ANGPTL2: variants seen among roughly 807,000 people sequenced by gnomAD.
The protein encoded by ANGPTL2 is angiopoietin like 2, also known as angiopoietin-related protein 2.
In ANGPTL2, 25 loss-of-function variants were observed where a neutral mutation model predicts 52.8. That is an observed-to-expected ratio of 0.47 (90% CI 0.35 to 0.66). ANGPTL2 has a LOEUF of 0.66. ANGPTL2 is among the 30% of genes least tolerant of loss of function. ANGPTL2 has a pLI of 0.01. For synonymous variants in ANGPTL2, 276 were observed against 277.4 expected (o/e 1.00, Z 0.05); for missense variants, 546 against 656.9 (o/e 0.83, Z 1.84).
At chr9:127,107,460 G>T (rs539246976) in intron 2 of ANGPTL2, among the ~76,000 whole-genome samples, 3 of 152,212 alleles carry the variant, frequency 2.0e-5, no homozygotes, top group Non-Finnish European at 4.4e-5. Flanking sequence ...CCTACAATGT[G>T]TTTATCATAT....
intron 1 of ANGPTL2, among the ~76,000 whole-genome samples, chr9:127,117,052 G>A (rs767745074): frequency 4.6e-5 from 7 of 152,200 alleles, no homozygotes; most frequent in Non-Finnish European, 8.8e-5. Flanking sequence ...TCATGTCAGC[G>A]TCCTGCTTAA....
At chr9:127,089,172 G>A (rs996923162) in intron 4 of ANGPTL2, 34 bp from the exon 5 acceptor site, 3 of 1,610,180 alleles carry the variant, frequency 1.9e-6, no homozygotes, top group South Asian at 1.1e-5. Flanking sequence ...GGGTGTCTGG[G>A]AGGAGGCCAT....
At chr9:127,106,325 T>C (rs2054211344) in intron 2 of ANGPTL2, among the ~76,000 whole-genome samples, 1 of 152,216 alleles carries the variant, frequency 6.6e-6, no homozygotes, top group Admixed American at 6.5e-5. Context: ...TCAGAGCTTC[T>C]GATTTAAAGC....
intron 1 of ANGPTL2, among the ~76,000 whole-genome samples, chr9:127,121,134 G>A (rs969239247): frequency 1.3e-5 from 2 of 152,180 alleles, no homozygotes; most frequent in African/African-American, 4.8e-5. Context: ...GAATAATAAT[G>A]CCTGTGCTAT....
At position 127,108,092 on chromosome 9, in the gene ANGPTL2, G is replaced by GGAC; in HGVS notation, c.637_639dup (p.Val213dup). The GGAC allele has an allele frequency of 6.2e-7, 1 of 1,611,794 alleles. No individual in the cohort carries two copies. Among genetic ancestry groups the GGAC allele is most frequent in the Non-Finnish European group, 8.5e-7 (1 of 1,178,824 alleles). On this transcript the variant is annotated inframe_insertion, in exon 2 of 5. Coordinates refer to ENST00000373425, the MANE Select transcript of ANGPTL2 (RefSeq NM_012098.3). Reference sequence around the variant, plus strand: ...GGCGGGGCAGCGGGGGGTGGCTGGGGGACGGGCCTGGCCGAGGGCACCCTC... The same window carrying GGAC: ...GGCGGGGCAGCGGGGGGTGGCTGGGGGACGACGGGCCTGGCCGAGGGCACCCTC...
intron 1 of ANGPTL2, 139 bp from the exon 2 acceptor site, chr9:127,108,919 G>A (rs986573124): frequency 1.7e-5 from 11 of 635,614 alleles, no homozygotes; most frequent in Non-Finnish European, 2.9e-5. Flanking sequence ...ATATTCTCTT[G>A]GAGTCAGAGA....
At chr9:127,098,849 TTCTC>T (rs1210487186) in intron 2 of ANGPTL2, among the ~76,000 whole-genome samples, 2 of 152,212 alleles carry the variant, frequency 1.3e-5, no homozygotes, top group Non-Finnish European at 2.9e-5. Context: ...CTATTTCCAG[TTCTC>T]TCTCTGTGGG....
chr9:127,118,732 C>T (rs1183481715), intron 1 of ANGPTL2, among the ~76,000 whole-genome samples: 1 of 152,224 alleles, frequency 6.6e-6, no homozygotes, highest in Non-Finnish European at 1.5e-5. Flanking sequence ...TCCTGCTGGG[C>T]TGTGGGCTCT....
intron 2 of ANGPTL2, among the ~76,000 whole-genome samples, chr9:127,103,865 C>T (rs1445566926): frequency 6.6e-6 from 1 of 152,150 alleles, no homozygotes; most frequent in Non-Finnish European, 1.5e-5. Context: ...ATTTTTACAC[C>T]AGTTCCCCTC....
Position 127,091,936 on chromosome 9 carries a change from C to T in ANGPTL2, c.1016G>A (p.Gly339Glu). Reference sequence around the variant, plus strand: ...GTATTCGCCGTCAATGTTCCCAAACCCTTGCTGGGGAAAACCCAGGAGAGT... The same window carrying T: ...GTATTCGCCGTCAATGTTCCCAAACTCTTGCTGGGGAAAACCCAGGAGAGT... Reference protein sequence around the residue: ...FFRNWETYKQGFGNIDGEYWL... With the variant: ...FFRNWETYKQEFGNIDGEYWL... The change falls in exon 4 of 5, where the codon GGG (glycine) becomes GAG (glutamate). Residue 339 changes from glycine to glutamate, a missense_variant. Physicochemically the swap from Gly to Glu is moderately conservative, Grantham distance 98. Coordinates refer to ENST00000373425, the MANE Select transcript of ANGPTL2 (RefSeq NM_012098.3). This position sits in a 1 kb window ranked among gnomAD's most constrained non-coding sequence, Gnocchi z 4.3. 1 of 1,613,722 alleles carries T rather than the reference C, an allele frequency of 6.2e-7. No individual in the cohort carries two copies. The highest frequency in any genetic ancestry group is 1.3e-5 in the African/African-American group (1 of 74,978).
rs1564595259 is a variant in ANGPTL2, at chr9:127,108,477, A to T, written c.255T>A (p.His85Gln). Residue 85 changes from histidine to glutamine, a missense_variant, in exon 2 of 5, where the codon CAT becomes CAA. This residue lies in a region of ANGPTL2 where 285 missense variants were observed against 295.8 expected (regional missense o/e 0.96). Coordinates refer to ENST00000373425, the MANE Select transcript of ANGPTL2 (RefSeq NM_012098.3). ...TGTTGAGCAGCTCTAGCTCCTGCTT[A>T]TGCACTCGGTTCTCCAGAAGCACCT... is the stretch of plus-strand genomic sequence containing the variant. ...EPEVLLENRV[H>Q]KQELELLNNE... 2 of 1,611,990 alleles carry T rather than the reference A, an allele frequency of 1.2e-6. No homozygotes were observed. The highest frequency in any genetic ancestry group is 2.7e-5 in the African/African-American group (2 of 74,312).
chr9:127,118,016 A>G (rs1395978819), intron 1 of ANGPTL2, among the ~76,000 whole-genome samples: 1 of 152,170 alleles, frequency 6.6e-6, no homozygotes, highest in African/African-American at 2.4e-5. Context: ...GGACTGACAC[A>G]ATAGTTCAGT....
At position 127,108,628 on chromosome 9, in the gene ANGPTL2, G is replaced by T; in HGVS notation, c.104C>A (p.Pro35Gln). 1.2e-6 allele frequency: 2 copies of T among 1,613,670 alleles called. No homozygotes were observed. Among genetic ancestry groups the T allele is most frequent in the Non-Finnish European group, 1.7e-6 (2 of 1,179,942 alleles). The change falls in exon 2 of 5, where the codon CCA (proline) becomes CAA (glutamine). Residue 35 changes from proline (P) to glutamine (Q), a missense_variant. Physicochemically the swap from Pro to Gln is moderately conservative, Grantham distance 76 (BLOSUM62 -1). Transcript: ENST00000373425. ...CCTGTTTAGGTAAATGAACTCTCTT[G>T]GCGAGCCCTCCTCAGTGCCCTCAAA... ...DGFEGTEEGS[P>Q]REFIYLNRYK...
chr9:127,121,744 G>A (rs1003446160), intron 1 of ANGPTL2, among the ~76,000 whole-genome samples: 7 of 152,220 alleles, frequency 4.6e-5, no homozygotes, highest in African/African-American at 9.6e-5. Flanking sequence ...TGGGTGATGC[G>A]TCCGTTCCCG....
At chr9:127,106,768 CCTGCA>C (rs1308828748) in intron 2 of ANGPTL2, among the ~76,000 whole-genome samples, 1 of 152,238 alleles carries the variant, frequency 6.6e-6, no homozygotes, top group Non-Finnish European at 1.5e-5. Context: ...TGGCCACCCT[CCTGCA>C]CTCAGGTTCA....
chr9:127,094,857 T>C (rs1172909965), intron 2 of ANGPTL2, among the ~76,000 whole-genome samples: 5 of 152,224 alleles, frequency 3.3e-5, no homozygotes, highest in African/African-American at 9.6e-5. Context: ...TCAGAAGGAA[T>C]GGGTGTTATA....
At chr9:127,117,715 A>G (rs2055582046) in intron 1 of ANGPTL2, among the ~76,000 whole-genome samples, 1 of 152,228 alleles carries the variant, frequency 6.6e-6, no homozygotes, top group Non-Finnish European at 1.5e-5. Context: ...TGATTCATTC[A>G]TTCCACAGAT....
In ANGPTL2 at chr9:127,093,832, C is replaced by G; in HGVS notation, c.912G>C (p.Gln304His). Residue 304 changes from glutamine to histidine, a missense_variant, in exon 3 of 5, where the codon CAG becomes CAC. This residue lies in a region of ANGPTL2 where 261 missense variants were observed against 361.0 expected (regional missense o/e 0.72). Coordinates refer to ENST00000373425, the MANE Select transcript of ANGPTL2 (RefSeq NM_012098.3). ...GGTCGTGTCTCTGGTCGCACCACAC[C>G]TGCATGAGGCGGTTGGTGTTCTCCG... is the stretch of plus-strand genomic sequence containing the variant. ...VKPENTNRLM[Q>H]VWCDQRHDPG... 1 of 1,614,168 alleles carries G rather than the reference C, an allele frequency of 6.2e-7. No individual in the cohort carries two copies. Among genetic ancestry groups the G allele is most frequent in the Non-Finnish European group, 8.5e-7 (1 of 1,180,038 alleles).
Position 127,093,784 on chromosome 9 carries a change from C to A in ANGPTL2, c.960G>T (p.Gln320His). 1 of 1,614,108 alleles carries A rather than the reference C, an allele frequency of 6.2e-7. No individual in the cohort carries two copies. Among genetic ancestry groups the A allele is most frequent in the Non-Finnish European group, 8.5e-7 (1 of 1,180,026 alleles). Residue 320 changes from glutamine to histidine, a missense_variant, in exon 3 of 5, where the codon CAG becomes CAT. Physicochemically the swap from Gln to His is conservative, Grantham distance 24 (BLOSUM62 0). This residue lies in a region of ANGPTL2 where 261 missense variants were observed against 361.0 expected (regional missense o/e 0.72). Coordinates refer to ENST00000373425, the MANE Select transcript of ANGPTL2 (RefSeq NM_012098.3). ...RHDPGGWTVIQRRLDGSVNFF... is the reference protein window; with the variant it reads ...RHDPGGWTVIHRRLDGSVNFF... ...AGTTAACAGAGCCATCCAGGCGTCT[C>A]TGGATGACGGTCCAGCCCCCGGGGT...
Sources: allele counts gnomAD v4.1 joint callset (sites outside exome capture counted in the v4.1 genomes callset), GRCh38; gene constraint gnomAD v4.1.1; regional missense constraint gnomAD v4.1.1; non-coding constraint Gnocchi (gnomAD v3.1); transcripts MANE v1.5; gene names NCBI Gene and HGNC (gene_info 2026-07-23, HGNC 2026-07-21).